CSMD3: variants seen among roughly 807,000 people sequenced by gnomAD.
CSMD3 encodes the protein CUB and sushi domain-containing protein 3.
In CSMD3, 177 loss-of-function variants were observed where a neutral mutation model predicts 435.2. That is an observed-to-expected ratio of 0.41 (90% CI 0.36 to 0.46). The LOEUF is 0.46. Among genes scored for constraint, CSMD3 ranks in the 20% least tolerant of loss-of-function variants. The pLI is 0.34. For synonymous variants in CSMD3, 1,656 were observed against 1,520.5 expected, an observed-to-expected ratio of 1.09 and a Z score of -2.07; for missense variants, 4,265 against 4,504.6, an observed-to-expected ratio of 0.95 and a Z score of 1.52.
chr8:113,421,142 CA>C (rs1456989054), intron 1 of CSMD3, among the ~76,000 whole-genome samples: 1 of 151,676 alleles, frequency 6.6e-6, no homozygotes, highest in African/African-American at 2.4e-5. Flanking sequence ...TTTCTGAGAC[CA>C]AAAGGAAAAA....
rs187661357 is a variant in CSMD3 at position 112,622,500 on chromosome 8, T to C, written c.3715+14317A>G. ...TGTACAATGTTCTCCAACATCTAAG[T>C]CCTGTTTGCCTTTTAATTTGTCCAG... On this transcript the variant is annotated intron_variant, in intron 22 of 70. Coordinates refer to ENST00000297405, the MANE Select transcript of CSMD3 (RefSeq NM_198123.2). 4.6e-5 allele frequency among the ~76,000 whole-genome samples: 7 copies of C among 152,296 alleles called. No individual in the cohort carries two copies. In the East Asian group the frequency reaches 1.4e-3, roughly 29 times the overall value.
chr8:112,921,897 T>A (rs2130635021), intron 9 of CSMD3, 146 bp from the exon 10 acceptor site: 1 of 674,554 alleles, frequency 1.5e-6, no homozygotes, highest in East Asian at 2.7e-5. Context: ...AAGTATGACT[T>A]GTAGAAATGT....
At chr8:112,961,394 A>G (rs1003251506) in intron 7 of CSMD3, among the ~76,000 whole-genome samples, 11 of 151,930 alleles carry the variant, frequency 7.2e-5, no homozygotes, top group Admixed American at 7.2e-4. Flanking sequence ...CCATATAAAT[A>G]CAATCATATT....
chr8:112,662,066 G>T (rs1307587342), intron 17 of CSMD3, among the ~76,000 whole-genome samples: 1 of 152,094 alleles, frequency 6.6e-6, no homozygotes, highest in African/African-American at 2.4e-5. Context: ...TGGGTAGGAA[G>T]AATCAATATT....
intron 3 of CSMD3, among the ~76,000 whole-genome samples, chr8:113,261,558 C>T (rs903333319): frequency 6.6e-6 from 1 of 151,906 alleles, no homozygotes; most frequent in Admixed American, 6.6e-5. Context: ...AAGAGCTTTG[C>T]GTGTGTGGGT....
chr8:112,289,297 C>A (rs115756975), intron 57 of CSMD3, 68 bp downstream of exon 57: 1 of 1,237,944 alleles, frequency 8.1e-7, no homozygotes, highest in Non-Finnish European at 1.2e-6. Flanking sequence ...TTTGTGTATA[C>A]GTTGCTACTA....
chr8:113,170,862 A>C (rs2092255545), intron 4 of CSMD3, among the ~76,000 whole-genome samples: 1 of 152,082 alleles, frequency 6.6e-6, no homozygotes. Context: ...AGCATTTTCA[A>C]AAATAGTGGG....
chr8:112,387,465 ATGTG>A (rs34034900), intron 36 of CSMD3, among the ~76,000 whole-genome samples: 3,926 of 144,136 alleles, frequency 0.027, 71 homozygotes, highest in East Asian at 0.067. Context: ...GTCATATATT[ATGTG>A]TGTGTGTGTG....
chr8:112,255,207 A>G (rs1334360260), intron 62 of CSMD3, 47 bp downstream of exon 62: 1 of 1,462,330 alleles, frequency 6.8e-7, no homozygotes, highest in Admixed American at 1.7e-5. Context: ...TGTCACCCCT[A>G]TTAATTACAC....
At chr8:112,843,897 ATTAT>A (rs2080248327) in intron 11 of CSMD3, among the ~76,000 whole-genome samples, 1 of 151,902 alleles carries the variant, frequency 6.6e-6, no homozygotes, top group African/African-American at 2.4e-5. Flanking sequence ...TATTAATATT[ATTAT>A]TTGTTTTAAG....
chr8:112,618,116 A>G (rs1833795823), intron 22 of CSMD3, among the ~76,000 whole-genome samples: 1 of 152,156 alleles, frequency 6.6e-6, no homozygotes, highest in Non-Finnish European at 1.5e-5. Flanking sequence ...TCCAGGTTAA[A>G]ATAAAATCAC....
chr8:112,536,745 A>T (rs1177446243), intron 27 of CSMD3, among the ~76,000 whole-genome samples: 1 of 150,362 alleles, frequency 6.7e-6, no homozygotes, highest in Non-Finnish European at 1.5e-5. Context: ...CACTATTCAC[A>T]ATAGCAAAGA....
intron 4 of CSMD3, among the ~76,000 whole-genome samples, chr8:113,099,705 A>G (rs1027326899): frequency 6.6e-6 from 1 of 152,024 alleles, no homozygotes; most frequent in Non-Finnish European, 1.5e-5. Flanking sequence ...ATTCTCCACT[A>G]GTCTACTTTT....
chr8:113,391,947 C>T (rs554549920), intron 1 of CSMD3, among the ~76,000 whole-genome samples: 1 of 152,138 alleles, frequency 6.6e-6, no homozygotes, highest in South Asian at 2.1e-4. Context: ...GTGTGGAAAG[C>T]TAGTCTACAT....
At chr8:112,405,246 T>TATATACACAC (rs1199452249) in intron 35 of CSMD3, among the ~76,000 whole-genome samples, 10 of 81,532 alleles carry the variant, frequency 1.2e-4, no homozygotes, top group African/African-American at 5.3e-4. Flanking sequence ...TATATATATA[T>TATATACACAC]ACATATATAT....
intron 51 of CSMD3, among the ~76,000 whole-genome samples, chr8:112,305,350 A>G (rs1246697708): frequency 3.3e-5 from 5 of 152,154 alleles, no homozygotes; most frequent in African/African-American, 1.2e-4. Context: ...GAGTGCGAAC[A>G]ACTTAACAAT....
chr8:112,559,026 G>A (rs546532496), intron 24 of CSMD3, among the ~76,000 whole-genome samples: 321 of 151,878 alleles, frequency 2.1e-3, no homozygotes, highest in Non-Finnish European at 3.3e-3. Flanking sequence ...GGCTTCCCAC[G>A]TGTTGTCATT....
chr8:112,910,786 G>A lies in CSMD3; in HGVS notation c.1633+10841C>T, dbSNP rs547215663. ...CTTCCACTTTTCACATAAAGCCTCAGTTTTTTCACCTCATTATTTCTCAAT... is the reference window on the plus strand; with the variant it reads ...CTTCCACTTTTCACATAAAGCCTCAATTTTTTCACCTCATTATTTCTCAAT... On this transcript the variant is annotated intron_variant, in intron 10 of 70. Coordinates refer to ENST00000297405, the MANE Select transcript of CSMD3 (RefSeq NM_198123.2). Among the ~76,000 whole-genome samples the A allele has an allele frequency of 1.2e-3, 187 of 151,928 alleles. 1 individual carries two copies. The highest frequency in any genetic ancestry group is 6.8e-3 in the Middle Eastern group (2 of 294).
intron 1 of CSMD3, among the ~76,000 whole-genome samples, chr8:113,320,814 G>C (rs1301677235): frequency 6.6e-6 from 1 of 151,910 alleles, no homozygotes; most frequent in East Asian, 1.9e-4. Context: ...AGGCTTCTTA[G>C]CAACCACAGA....
Sources: gnomAD v4.1 joint callset for allele counts (sites outside exome capture counted in the v4.1 genomes callset) on GRCh38, gnomAD v4.1.1 for gene constraint, MANE v1.5 for transcripts, NCBI Gene and HGNC (gene_info 2026-07-23, HGNC 2026-07-21) for gene names.